ACER3: variants seen among roughly 807,000 people sequenced by gnomAD.
The protein encoded by ACER3 is alkCDase 3.
In ACER3, 16 loss-of-function variants were observed where a neutral mutation model predicts 48.9. That is an observed-to-expected ratio of 0.33 (90% CI 0.22 to 0.50). ACER3 has a LOEUF of 0.50. Among genes scored for constraint, ACER3 ranks in the 20% least tolerant of loss-of-function variants. ACER3 has a pLI of 0.98. For synonymous variants in ACER3, 109 were observed against 107.8 expected (o/e 1.01, Z -0.07); for missense variants, 227 against 326.0 (o/e 0.70, Z 2.34).
In ACER3 at chr11:76,865,542, T is replaced by G. The variant is rs150131494; in HGVS notation, c.103+4463T>G. On this transcript the variant is annotated intron_variant, in intron 1 of 10. Coordinates refer to ENST00000532485, the MANE Select transcript of ACER3 (RefSeq NM_018367.7). The stretch of plus-strand genomic sequence containing the variant: ...TTTTTTTTTCCAGACGGAATCTCGC[T>G]CTGTCACCCAGGCTGGAGTGCAGTG... Among the ~76,000 whole-genome samples, 20 of 151,708 alleles carry G rather than the reference T, an allele frequency of 1.3e-4. 1 individual carries two copies. Among genetic ancestry groups the G allele is most frequent in the African/African-American group, 4.1e-4 (17 of 41,302 alleles).
chr11:76,878,888 A>G (rs1945454268), intron 1 of ACER3, among the ~76,000 whole-genome samples: 1 of 151,948 alleles, frequency 6.6e-6, no homozygotes, highest in African/African-American at 2.4e-5. Flanking sequence ...TCTCATTGTA[A>G]TTTTAATTAG....
intron 3 of ACER3, among the ~76,000 whole-genome samples, chr11:76,975,681 A>G (rs1284696903): frequency 2.0e-5 from 3 of 152,096 alleles, no homozygotes; most frequent in Admixed American, 1.3e-4. Context: ...TGATATGAGC[A>G]GCACAATGAC....
At chr11:77,010,007 A>G (rs1555021786) in intron 7 of ACER3, among the ~76,000 whole-genome samples, 1 of 152,066 alleles carries the variant, frequency 6.6e-6, no homozygotes, top group Admixed American at 6.6e-5. Flanking sequence ...TTAAAGAGGT[A>G]TATTGTCAGT....
chr11:76,953,410 C>T (rs1245970258), intron 2 of ACER3, among the ~76,000 whole-genome samples: 1 of 152,022 alleles, frequency 6.6e-6, no homozygotes, highest in Non-Finnish European at 1.5e-5. Context: ...CCAGCCTGGC[C>T]AACGTGGCAA....
At chr11:77,013,120 G>A (rs1555022558) in intron 7 of ACER3, among the ~76,000 whole-genome samples, 1 of 152,070 alleles carries the variant, frequency 6.6e-6, no homozygotes, top group Admixed American at 6.6e-5. Flanking sequence ...ATAGAAGTGA[G>A]TTCTATTTCC....
intron 1 of ACER3, among the ~76,000 whole-genome samples, chr11:76,910,297 T>G (rs1468574318): frequency 6.6e-6 from 1 of 152,148 alleles, no homozygotes; most frequent in Admixed American, 6.6e-5. Flanking sequence ...ATTATGATTT[T>G]CACAGATAAG....
At chr11:76,913,464 G>A (rs1162309054) in intron 1 of ACER3, among the ~76,000 whole-genome samples, 2 of 152,164 alleles carry the variant, frequency 1.3e-5, no homozygotes, top group Admixed American at 1.3e-4. Flanking sequence ...CAAAGGGAAT[G>A]CTTCCAGTTT....
At chr11:77,003,717 TG>T (rs1437183523) in intron 7 of ACER3, among the ~76,000 whole-genome samples, 1 of 152,214 alleles carries the variant, frequency 6.6e-6, no homozygotes, top group Non-Finnish European at 1.5e-5. Flanking sequence ...GCTTTAGCAG[TG>T]TCCCACAGCT....
intron 3 of ACER3, among the ~76,000 whole-genome samples, chr11:76,973,253 C>T (rs1444151922): frequency 2.0e-5 from 3 of 152,124 alleles, no homozygotes; most frequent in Non-Finnish European, 1.5e-5. Context: ...CAGCTTGTGC[C>T]GTTTTGAGTC....
chr11:76,907,182 T>A (rs1033116298), intron 1 of ACER3, among the ~76,000 whole-genome samples: 3 of 152,294 alleles, frequency 2.0e-5, no homozygotes, highest in Admixed American at 1.3e-4. Flanking sequence ...ATCCCTCCAA[T>A]GAGGTACAAA....
chr11:76,942,809 T>C (rs907271116), intron 2 of ACER3, among the ~76,000 whole-genome samples: 1 of 152,042 alleles, frequency 6.6e-6, no homozygotes, highest in Non-Finnish European at 1.5e-5. Flanking sequence ...ATCCATCTAC[T>C]CCTAGACTTT....
At chr11:77,005,608 C>T (rs1220901355) in intron 7 of ACER3, among the ~76,000 whole-genome samples, 2 of 152,018 alleles carry the variant, frequency 1.3e-5, no homozygotes, top group African/African-American at 4.8e-5. Flanking sequence ...TACCTCTCTT[C>T]CTAGCTTCTA....
intron 1 of ACER3, among the ~76,000 whole-genome samples, chr11:76,923,209 C>T (rs950169122): frequency 6.6e-6 from 1 of 151,700 alleles, no homozygotes; most frequent in African/African-American, 2.4e-5. Flanking sequence ...CAGACTGCAC[C>T]TATTTAAAGT....
At chr11:76,978,562 CG>C (rs938060066) in intron 4 of ACER3, 30 of 152,406 alleles carry the variant, frequency 2.0e-4, no homozygotes, top group African/African-American at 7.0e-4. Flanking sequence ...TCCAGTTGTC[CG>C]CATACCTCAT....
intron 2 of ACER3, among the ~76,000 whole-genome samples, chr11:76,940,497 T>C (rs751079119): frequency 1.3e-5 from 2 of 152,202 alleles, no homozygotes; most frequent in Non-Finnish European, 2.9e-5. Flanking sequence ...TATCATCAGC[T>C]ATAAGTACAT....
chr11:76,914,094 C>T (rs1020267716), intron 1 of ACER3, among the ~76,000 whole-genome samples: 1 of 152,266 alleles, frequency 6.6e-6, no homozygotes, highest in African/African-American at 2.4e-5. Flanking sequence ...ACCATAAAAA[C>T]CCTGGAAGAA....
intron 3 of ACER3, among the ~76,000 whole-genome samples, chr11:76,963,543 T>G (rs1411918540): frequency 6.6e-6 from 1 of 151,284 alleles, no homozygotes; most frequent in Non-Finnish European, 1.5e-5. Context: ...AGTATGTTAA[T>G]GAGCATATAA....
intron 1 of ACER3, among the ~76,000 whole-genome samples, chr11:76,875,407 C>T (rs1043045311): frequency 1.8e-4 from 28 of 151,974 alleles, no homozygotes; most frequent in African/African-American, 4.6e-4. Context: ...TGAGCCACCG[C>T]GCCCGGCCAA....
intron 2 of ACER3, among the ~76,000 whole-genome samples, chr11:76,947,635 A>C (rs926788629): frequency 6.6e-6 from 1 of 152,160 alleles, no homozygotes; most frequent in African/African-American, 2.4e-5. Context: ...TTAGTAGCTC[A>C]TTTATTTCCC....
Sources: allele counts gnomAD v4.1 joint callset (sites outside exome capture counted in the v4.1 genomes callset), GRCh38; gene constraint gnomAD v4.1.1; transcripts MANE v1.5; gene names NCBI Gene and HGNC (gene_info 2026-07-23, HGNC 2026-07-21).